The following PTPRK variants were observed in gnomAD, a reference collection of about 807,000 sequenced individuals.
PTPRK encodes receptor-type tyrosine-protein phosphatase kappa.
In PTPRK, 75 loss-of-function variants were observed where a neutral mutation model predicts 178.0. That is an observed-to-expected ratio of 0.42 (90% CI 0.35 to 0.51). The LOEUF is 0.51. Among genes scored for constraint, PTPRK ranks in the 20% least tolerant of loss-of-function variants. The pLI, the probability that PTPRK is intolerant of heterozygous loss-of-function variation, is 0.02. For missense variants in PTPRK, 1,441 were observed against 1,797.8 expected (o/e 0.80, Z 3.59); for synonymous variants, 637 against 620.6 (o/e 1.03, Z -0.39).
intron 5 of PTPRK, among the ~76,000 whole-genome samples, chr6:128,233,173 A>G (rs1812592903): frequency 6.6e-6 from 1 of 152,266 alleles, no homozygotes; most frequent in Admixed American, 6.5e-5. Context: ...AAATGGCAAT[A>G]TAAATAAGCA....
chr6:128,055,995 T>C (rs75740553), intron 13 of PTPRK, among the ~76,000 whole-genome samples: 1,854 of 150,942 alleles, frequency 0.012, 28 homozygotes, highest in African/African-American at 0.043. Flanking sequence ...CTTTTCTTTT[T>C]TTTTTTTTTT....
chr6:128,328,746 G>GA (rs1442890633), intron 2 of PTPRK, among the ~76,000 whole-genome samples: 2 of 151,726 alleles, frequency 1.3e-5, no homozygotes, highest in African/African-American at 4.8e-5. Flanking sequence ...ATTTAAAATG[G>GA]AAAAATCTCA....
chr6:128,472,165 T>A (rs576268198), intron 1 of PTPRK, among the ~76,000 whole-genome samples: 39 of 152,260 alleles, frequency 2.6e-4, no homozygotes, highest in African/African-American at 9.4e-4. Flanking sequence ...AATCAGGTGA[T>A]TCTGCTGAGC....
chr6:128,351,919 A>G (rs1833196850), intron 2 of PTPRK, among the ~76,000 whole-genome samples: 1 of 152,036 alleles, frequency 6.6e-6, no homozygotes, highest in Non-Finnish European at 1.5e-5. Context: ...TCAGTTTTAC[A>G]TTTTTCTATT....
intron 24 of PTPRK, among the ~76,000 whole-genome samples, chr6:127,981,913 C>T (rs1453518885): frequency 2.6e-5 from 4 of 152,088 alleles, no homozygotes; most frequent in African/African-American, 9.7e-5. Context: ...CCACAGCCTT[C>T]CAGGGTTAAG....
chr6:128,010,663 T>G (rs1778952389), intron 13 of PTPRK, among the ~76,000 whole-genome samples: 1 of 151,328 alleles, frequency 6.6e-6, no homozygotes, highest in Admixed American at 6.6e-5. Flanking sequence ...AATGGTAATT[T>G]AAAGCTAAAC....
chr6:128,520,197 G>A, intron 1 of PTPRK, 62 bp downstream of exon 1: 1 of 1,426,210 alleles, frequency 7.0e-7, no homozygotes. Context: ...GCGGGGACCT[G>A]GCTCACCCCT....
intron 1 of PTPRK, among the ~76,000 whole-genome samples, chr6:128,435,106 A>AAGGAAGGCAGGC (rs1562515811): frequency 1.5e-5 from 1 of 64,618 alleles, no homozygotes; most frequent in Non-Finnish European, 2.9e-5. Context: ...GGAAGGAAGG[A>AAGGAAGGCAGGC]AGGCAGGAAG....
chr6:128,389,714 G>A (rs571961921), intron 2 of PTPRK, among the ~76,000 whole-genome samples: 2 of 151,848 alleles, frequency 1.3e-5, no homozygotes, highest in African/African-American at 4.8e-5. Context: ...AAGTTCTCTA[G>A]CACTGACACC....
In PTPRK at chr6:128,005,227, C is replaced by T. The variant is rs143992147; in HGVS notation, c.2351G>A (p.Arg784His). Residue 784 changes from arginine (R) to histidine (H), a missense_variant, in exon 15 of 30, where the codon CGC becomes CAC. By Grantham distance (29) the Arg-to-His change is conservative. Transcript: ENST00000368226. ...CCGGGTATTCCCCATGGCATCTTTG[C>T]GTTTTTTAGCAAGTTTGCTGCCAAG... ...IVKKSKLAKK[R>H]KDAMGNTRQE... The T allele has an allele frequency of 3.1e-5, 50 of 1,610,840 alleles. No homozygotes were observed. Among genetic ancestry groups the T allele is most frequent in the Non-Finnish European group, 3.8e-5 (45 of 1,178,162 alleles).
At chr6:127,989,142 G>A (rs1776302043) in intron 21 of PTPRK, among the ~76,000 whole-genome samples, 1 of 151,842 alleles carries the variant, frequency 6.6e-6, no homozygotes, top group Admixed American at 6.6e-5. Flanking sequence ...TATGTATTCA[G>A]GTTTTCCTTA....
intron 3 of PTPRK, among the ~76,000 whole-genome samples, chr6:128,286,910 C>A (rs184606783): frequency 2.6e-5 from 4 of 152,264 alleles, no homozygotes; most frequent in Non-Finnish European, 4.4e-5. Flanking sequence ...GGTTTTCTAG[C>A]CTGGCTGATG....
chr6:128,461,469 A>G (rs1239859782), intron 1 of PTPRK, among the ~76,000 whole-genome samples: 4 of 152,238 alleles, frequency 2.6e-5, no homozygotes, highest in African/African-American at 9.6e-5. Context: ...AAGTTCCAGC[A>G]CACATTGACC....
intron 1 of PTPRK, among the ~76,000 whole-genome samples, 181 bp downstream of exon 1, chr6:128,520,078 G>C (rs2128448267): frequency 6.6e-6 from 1 of 152,254 alleles, no homozygotes; most frequent in African/African-American, 2.4e-5. Context: ...AGGAACAATG[G>C]GTGCCCCGCG....
At chr6:128,128,866 A>G (rs977376780) in intron 7 of PTPRK, among the ~76,000 whole-genome samples, 3 of 152,248 alleles carry the variant, frequency 2.0e-5, no homozygotes, top group African/African-American at 4.8e-5. Context: ...ATGAAGTACC[A>G]AAAAGATTCA....
At chr6:128,272,600 G>A (rs938649960) in intron 3 of PTPRK, among the ~76,000 whole-genome samples, 7 of 151,964 alleles carry the variant, frequency 4.6e-5, no homozygotes, top group African/African-American at 9.7e-5. Context: ...CAACAGACAC[G>A]TGAAAAAATG....
intron 1 of PTPRK, among the ~76,000 whole-genome samples, chr6:128,438,068 T>C (rs1405771676): frequency 6.6e-6 from 1 of 152,248 alleles, no homozygotes; most frequent in Admixed American, 6.5e-5. Context: ...AATCACCATT[T>C]GGATGAAAAA....
At chr6:128,259,905 A>T (rs533480931) in intron 3 of PTPRK, among the ~76,000 whole-genome samples, 28 of 152,298 alleles carry the variant, frequency 1.8e-4, no homozygotes, top group African/African-American at 6.7e-4. Flanking sequence ...TTCATTTTCC[A>T]GTCCATAACA....
chr6:128,224,223 C>T (rs527533719), intron 5 of PTPRK, among the ~76,000 whole-genome samples: 54 of 152,234 alleles, frequency 3.5e-4, no homozygotes, highest in Admixed American at 1.7e-3. Flanking sequence ...CTTTCCATCC[C>T]GCCCTCCAAT....
Sources: allele counts gnomAD v4.1 joint callset (sites outside exome capture counted in the v4.1 genomes callset), GRCh38; gene constraint gnomAD v4.1.1; transcripts MANE v1.5; gene names NCBI Gene and HGNC (gene_info 2026-07-23, HGNC 2026-07-21).